The following SDK1 variants were observed in gnomAD, a reference collection of about 807,000 sequenced individuals.
SDK1 encodes the protein protein sidekick-1.
In SDK1, 157 loss-of-function variants were observed where a neutral mutation model predicts 245.5. The observed-to-expected ratio is 0.64, with a 90% CI of 0.56 to 0.73. The LOEUF (loss-of-function observed/expected upper bound fraction) is 0.73, where lower values mean the gene tolerates loss of function less well. Ranked by LOEUF, SDK1 falls within the 30% of genes least tolerant of loss-of-function variation. SDK1 has a pLI of 0.00. For missense variants in SDK1, 3,583 were observed against 3,002.3 expected, an observed-to-expected ratio of 1.19 and a Z score of -4.52; for synonymous variants, 1,647 against 1,278.5, an observed-to-expected ratio of 1.29 and a Z score of -6.15.
chr7:3,584,114 G>C (rs532546696), intron 1 of SDK1, among the ~76,000 whole-genome samples: 1 of 152,258 alleles, frequency 6.6e-6, no homozygotes, highest in African/African-American at 2.4e-5. Context: ...GTATGTTTTT[G>C]CAAACCTATT....
intron 1 of SDK1, among the ~76,000 whole-genome samples, chr7:3,501,683 C>A (rs565978167): frequency 1.3e-5 from 2 of 152,170 alleles, no homozygotes; most frequent in South Asian, 4.1e-4. Context: ...TTGATTTGTT[C>A]ATTAATTTGT....
chr7:3,894,398 T>C (rs1362009385), intron 5 of SDK1, among the ~76,000 whole-genome samples: 7 of 145,274 alleles, frequency 4.8e-5, no homozygotes. Context: ...ATGCCTGTAC[T>C]GGAAGCTCCT....
chr7:4,163,304 G>C (rs1781283672), intron 32 of SDK1, among the ~76,000 whole-genome samples: 1 of 152,186 alleles, frequency 6.6e-6, no homozygotes, highest in Admixed American at 6.5e-5. Flanking sequence ...TGTCCTCAAG[G>C]ACAATGGCAG....
At chr7:3,782,399 C>T (rs746291370) in intron 4 of SDK1, among the ~76,000 whole-genome samples, 2 of 152,168 alleles carry the variant, frequency 1.3e-5, no homozygotes, top group African/African-American at 2.4e-5. Context: ...CCTCCAAGAA[C>T]GTGGATCACA....
At chr7:3,624,781 C>G (rs1192015823) in intron 2 of SDK1, among the ~76,000 whole-genome samples, 1 of 152,022 alleles carries the variant, frequency 6.6e-6, no homozygotes. Flanking sequence ...CATGGTGGCT[C>G]ACACCTGTAA....
intron 4 of SDK1, among the ~76,000 whole-genome samples, chr7:3,749,841 C>G (rs1779727153): frequency 6.6e-6 from 1 of 151,694 alleles, no homozygotes; most frequent in East Asian, 1.9e-4. Flanking sequence ...AAAATAGCAG[C>G]AATAAAAATT....
At chr7:4,139,535 GTA>G (rs767048205) in intron 28 of SDK1, among the ~76,000 whole-genome samples, 741 of 9,786 alleles carry the variant, frequency 0.076, 169 homozygotes, top group African/African-American at 0.18. Context: ...ATGTGTGTGT[GTA>G]TATATGTGTG....
At chr7:3,311,190 G>C (rs1242540352) in intron 1 of SDK1, among the ~76,000 whole-genome samples, 4 of 152,156 alleles carry the variant, frequency 2.6e-5, no homozygotes, top group African/African-American at 9.7e-5. Flanking sequence ...ATGGGCCTGG[G>C]GGGAGAGTAG....
chr7:4,084,417 G>A (rs1472337038), intron 22 of SDK1, among the ~76,000 whole-genome samples: 1 of 152,076 alleles, frequency 6.6e-6, no homozygotes, highest in Non-Finnish European at 1.5e-5. Flanking sequence ...CTGGGGCTCC[G>A]GCATGAGGCT....
intron 30 of SDK1, among the ~76,000 whole-genome samples, chr7:4,151,736 C>G (rs1780395155): frequency 6.6e-6 from 1 of 152,232 alleles, no homozygotes; most frequent in South Asian, 2.1e-4. Flanking sequence ...TTTGTAACAA[C>G]CATGTGGACA....
At chr7:3,771,475 T>A (rs983517275) in intron 4 of SDK1, among the ~76,000 whole-genome samples, 1 of 152,116 alleles carries the variant, frequency 6.6e-6, no homozygotes, top group African/African-American at 2.4e-5. Flanking sequence ...CTCACCCTCA[T>A]TGTTGTGCAT....
intron 28 of SDK1, among the ~76,000 whole-genome samples, chr7:4,133,740 T>G (rs560068291): frequency 6.6e-6 from 1 of 152,122 alleles, no homozygotes; most frequent in Non-Finnish European, 1.5e-5. Context: ...ACCTGGACGT[T>G]TTAAACTGGC....
At chr7:3,830,749 G>T (rs1034535213) in intron 5 of SDK1, among the ~76,000 whole-genome samples, 1 of 152,076 alleles carries the variant, frequency 6.6e-6, no homozygotes, top group African/African-American at 2.4e-5. Context: ...GTCCTGTCTC[G>T]GCCTCCCAAA....
chr7:3,374,479 G>T (rs1205325491), intron 1 of SDK1, among the ~76,000 whole-genome samples: 1 of 152,168 alleles, frequency 6.6e-6, no homozygotes, highest in Admixed American at 6.5e-5. Context: ...CCTGGCAGCA[G>T]TGCATTGTAA....
chr7:3,846,485 C>T (rs745465141), intron 5 of SDK1, among the ~76,000 whole-genome samples: 2 of 152,164 alleles, frequency 1.3e-5, no homozygotes, highest in Non-Finnish European at 2.9e-5. Flanking sequence ...GGCTTTACTG[C>T]GGACTGCCTT....
chr7:3,939,109 C>A (rs1299304898), intron 5 of SDK1, among the ~76,000 whole-genome samples: 1 of 152,230 alleles, frequency 6.6e-6, no homozygotes, highest in East Asian at 1.9e-4. Context: ...CCCTTTCCCT[C>A]CCTCCTGCTG....
intron 17 of SDK1, among the ~76,000 whole-genome samples, chr7:4,022,019 C>T (rs911318622): frequency 3.9e-5 from 6 of 152,194 alleles, no homozygotes; most frequent in African/African-American, 1.4e-4. Flanking sequence ...GTGCTAAATG[C>T]TTATTTGCTG....
chr7:3,449,658 C>A (rs948822343), intron 1 of SDK1, among the ~76,000 whole-genome samples: 2 of 152,158 alleles, frequency 1.3e-5, no homozygotes, highest in African/African-American at 4.8e-5. Context: ...TAACATGCAG[C>A]TATTAAATAG....
chr7:3,404,240 G>T (rs1778993278), intron 1 of SDK1, among the ~76,000 whole-genome samples: 1 of 152,026 alleles, frequency 6.6e-6, no homozygotes, highest in Non-Finnish European at 1.5e-5. Flanking sequence ...TAATATCTGT[G>T]AAGCACAAGA....
Sources: allele counts gnomAD v4.1 joint callset (sites outside exome capture counted in the v4.1 genomes callset), GRCh38; gene constraint gnomAD v4.1.1; transcripts MANE v1.5; gene names NCBI Gene and HGNC (gene_info 2026-07-23, HGNC 2026-07-21).